The following CPEB3 variants were observed in gnomAD, a reference collection of about 807,000 sequenced individuals.
CPEB3 encodes the protein cytoplasmic polyadenylation element-binding protein 3.
Under a neutral mutation model 67.2 loss-of-function variants are expected in CPEB3, and 20 were observed. The observed-to-expected ratio is 0.30, with a 90% CI of 0.21 to 0.43. The LOEUF is 0.43. Among genes scored for constraint, CPEB3 ranks in the 20% least tolerant of loss-of-function variants. CPEB3 has a pLI of 1.00. For missense variants in CPEB3, 746 were observed against 968.6 expected, an observed-to-expected ratio of 0.77 and a Z score of 3.05; for synonymous variants, 376 against 393.1, an observed-to-expected ratio of 0.96 and a Z score of 0.51.
intron 6 of CPEB3, among the ~76,000 whole-genome samples, chr10:92,120,098 C>CAAAAAAAAAAAAAATAAAAACAAGCA (rs1845272065): frequency 2.2e-5 from 1 of 45,284 alleles, no homozygotes; most frequent in Non-Finnish European, 3.7e-5. Flanking sequence ...ACTAAAAATA[C>CAAAAAAAAAAAAAATAAAAACAAGCA]AAAAAAAAAA....
intron 8 of CPEB3, among the ~76,000 whole-genome samples, chr10:92,086,690 C>A (rs1292894663): frequency 6.6e-6 from 1 of 152,162 alleles, no homozygotes; most frequent in Non-Finnish European, 1.5e-5. Flanking sequence ...AGGGTTCTTG[C>A]CCCTCTCCCA....
chr10:92,201,344 A>G (rs1352867060), intron 2 of CPEB3, among the ~76,000 whole-genome samples: 1 of 152,198 alleles, frequency 6.6e-6, no homozygotes, highest in Non-Finnish European at 1.5e-5. Context: ...CCTGGCCAAC[A>G]TGGTGAAACC....
intron 4 of CPEB3, among the ~76,000 whole-genome samples, chr10:92,160,389 A>C (rs1847414178): frequency 6.6e-6 from 1 of 152,192 alleles, no homozygotes; most frequent in South Asian, 2.1e-4. Flanking sequence ...AGTATAATAA[A>C]TGGTAGGTAG....
In CPEB3 at chr10:92,256,554, A is replaced by G. The variant is rs375369232; in HGVS notation, c.-11-16193T>C. 2.1e-4 allele frequency among the ~76,000 whole-genome samples: 32 copies of G among 151,966 alleles called. No individual in the cohort carries two copies. In the South Asian group the frequency reaches 5.8e-3, roughly 28 times the overall value. The stretch of plus-strand genomic sequence containing the variant: ...CAGGCACGTGCCACCACACCCAGCT[A>G]ATTTTTGTATTTTTAGTAGATGGGG... On this transcript the variant is annotated intron_variant, in intron 1 of 9. Transcript: ENST00000265997.
intron 6 of CPEB3, among the ~76,000 whole-genome samples, chr10:92,128,851 G>A (rs1323778898): frequency 6.6e-6 from 1 of 152,152 alleles, no homozygotes; most frequent in Admixed American, 6.5e-5. Flanking sequence ...AACAGGTGCT[G>A]GTGAGGTTGC....
chr10:92,255,650 G>C (rs1205647277), intron 1 of CPEB3, among the ~76,000 whole-genome samples: 1 of 152,180 alleles, frequency 6.6e-6, no homozygotes, highest in Non-Finnish European at 1.5e-5. Context: ...CCTGAACAAA[G>C]AACCTAACCG....
intron 2 of CPEB3, among the ~76,000 whole-genome samples, chr10:92,203,528 A>ATT (rs1298232679): frequency 0.17 from 15,766 of 93,716 alleles, 1,098 homozygotes; most frequent in Middle Eastern, 0.27. Context: ...ATATATATAT[A>ATT]TTTTTTTTTT....
intron 1 of CPEB3, 83 bp from the exon 2 acceptor site, chr10:92,240,444 C>G: frequency 1.5e-6 from 2 of 1,313,612 alleles, no homozygotes; most frequent in Non-Finnish European, 1.0e-6. Flanking sequence ...GTTTCACTTG[C>G]GAAAATCCAT....
In CPEB3 at chr10:92,048,835, G is replaced by GA. The variant is rs1353609843; in HGVS notation, c.*3376dup. 2 of 151,990 alleles carry GA rather than the reference G, an allele frequency of 1.3e-5. No homozygotes were observed. The allele number at this position is 151,990 out of a possible 1,614,324, so 9.4% of individuals were successfully genotyped here. A position where few individuals can be genotyped will look rare whatever the true frequency, so the allele number is the denominator to read the frequency against. On this transcript the variant is annotated 3_prime_UTR_variant, in exon 10 of 10. Transcript: ENST00000265997. This position sits in a 1 kb window ranked among gnomAD's most constrained non-coding sequence, Gnocchi z 4.1. ...TTTAGCTTCAAAAATAACTGAAAATGAAAAAAATAAACTTTTAAAGAATTA... is the reference window on the plus strand; with the variant it reads ...TTTAGCTTCAAAAATAACTGAAAATGAAAAAAAATAAACTTTTAAAGAATTA...
chr10:92,233,917 G>A (rs1851396119), intron 2 of CPEB3, among the ~76,000 whole-genome samples: 1 of 151,980 alleles, frequency 6.6e-6, no homozygotes, highest in African/African-American at 2.4e-5. Context: ...GACCAGCCTG[G>A]CCAACATAGT....
At chr10:92,156,592 T>C (rs541861159) in intron 4 of CPEB3, among the ~76,000 whole-genome samples, 1 of 152,330 alleles carries the variant, frequency 6.6e-6, no homozygotes, top group South Asian at 2.1e-4. Flanking sequence ...ATTTTCTACA[T>C]AAAACAGTCC....
chr10:92,134,313 G>A, intron 6 of CPEB3, among the ~76,000 whole-genome samples: 1 of 152,070 alleles, frequency 6.6e-6, no homozygotes, highest in Non-Finnish European at 1.5e-5. Context: ...AGCAACTTCA[G>A]CAAAGTCTCA....
rs1482688326 is a variant in CPEB3, at chr10:92,115,912, G to C, written c.1454-4718C>G. Among the ~76,000 whole-genome samples the C allele has an allele frequency of 3.3e-5, 5 of 152,238 alleles. No individual in the cohort carries two copies. In the East Asian group the frequency reaches 9.7e-4, roughly 29 times the overall value. On this transcript the variant is annotated intron_variant, in intron 6 of 9. Transcript: ENST00000265997. ...TGGTCCAAATATAATTCTGTCCCTT[G>C]CTTTTTCTGTTATGTAAACGTGCAG...
chr10:92,249,679 ATT>A (rs1852212870), intron 1 of CPEB3, among the ~76,000 whole-genome samples: 1 of 151,444 alleles, frequency 6.6e-6, no homozygotes, highest in African/African-American at 2.4e-5. Context: ...GTAAAAAAAA[ATT>A]AGAAATTTTA....
At chr10:92,107,186 C>G (rs1844515043) in intron 7 of CPEB3, among the ~76,000 whole-genome samples, 1 of 152,142 alleles carries the variant, frequency 6.6e-6, no homozygotes, top group African/African-American at 2.4e-5. Context: ...CCATTCTTTT[C>G]GATTTTCATT....
chr10:92,237,041 G>T (rs550784177), intron 2 of CPEB3, among the ~76,000 whole-genome samples: 1 of 152,002 alleles, frequency 6.6e-6, no homozygotes, highest in South Asian at 2.1e-4. Flanking sequence ...AAAAATCATC[G>T]AAACCACTTA....
At chr10:92,178,102 G>C (rs758373044) in intron 4 of CPEB3, among the ~76,000 whole-genome samples, 1 of 151,324 alleles carries the variant, frequency 6.6e-6, no homozygotes, top group Non-Finnish European at 1.5e-5. Context: ...TAGTCCCTTC[G>C]ATAATCACAA....
In CPEB3 at chr10:92,259,622, T is replaced by G. The variant is rs78671795; in HGVS notation, c.-11-19261A>C. Reference sequence around the variant, plus strand: ...ATCTCAAAAAAAAAAAAAAATCATCTATCTGTACCACATTTTTATTGCTTT... The same window carrying G: ...ATCTCAAAAAAAAAAAAAAATCATCGATCTGTACCACATTTTTATTGCTTT... On this transcript the variant is annotated intron_variant, in intron 1 of 9. Transcript: ENST00000265997. Among the ~76,000 whole-genome samples, 850 of 151,718 alleles carry G rather than the reference T, an allele frequency of 5.6e-3. 9 individuals carry two copies. The highest frequency in any genetic ancestry group is 0.02 in the African/African-American group (810 of 41,348).
chr10:92,290,810 CGGCCGG>C (rs1342091664), intron 1 of CPEB3, 110 bp downstream of exon 1: 1 of 152,454 alleles, frequency 6.6e-6, no homozygotes, highest in East Asian at 1.9e-4. Flanking sequence ...CCCGACGCCA[CGGCCGG>C]GGCCGGGGAC....
Sources: gnomAD v4.1 joint callset for allele counts (sites outside exome capture counted in the v4.1 genomes callset) on GRCh38, gnomAD v4.1.1 for gene constraint, Gnocchi (gnomAD v3.1) non-coding constraint, MANE v1.5 for transcripts, NCBI Gene and HGNC (gene_info 2026-07-23, HGNC 2026-07-21) for gene names.